MYO16: variants seen among roughly 807,000 people sequenced by gnomAD.
MYO16 encodes myosin XVI, also known as unconventional myosin-XVI.
In MYO16, 94 loss-of-function variants were observed where a neutral mutation model predicts 205.3. The observed-to-expected ratio is 0.46, with a 90% CI of 0.39 to 0.54. MYO16 has a LOEUF of 0.54. Among genes scored for constraint, MYO16 ranks in the 20% least tolerant of loss-of-function variants. The pLI is 0.00. For synonymous variants in MYO16, 988 were observed against 954.0 expected (o/e 1.04, Z -0.66); for missense variants, 2,315 against 2,387.5 (o/e 0.97, Z 0.63).
At chr13:109,018,645 C>T (rs1885915353) in intron 22 of MYO16, among the ~76,000 whole-genome samples, 1 of 152,206 alleles carries the variant, frequency 6.6e-6, no homozygotes, top group Non-Finnish European at 1.5e-5. Flanking sequence ...GATATAATCT[C>T]CTGGTGTGCC....
intron 27 of MYO16, among the ~76,000 whole-genome samples, chr13:109,064,129 T>C (rs1379406433): frequency 6.6e-6 from 1 of 152,216 alleles, no homozygotes; most frequent in Non-Finnish European, 1.5e-5. Flanking sequence ...GCCTGAGAGC[T>C]AAGAATATTT....
intron 6 of MYO16, among the ~76,000 whole-genome samples, chr13:108,795,399 G>A (rs557434440): frequency 9.9e-4 from 151 of 152,024 alleles, no homozygotes; most frequent in Middle Eastern, 3.4e-3. Flanking sequence ...TATTAGAGAC[G>A]GGGTTTCACC....
At chr13:108,903,686 C>T (rs1880825214) in intron 15 of MYO16, among the ~76,000 whole-genome samples, 2 of 152,104 alleles carry the variant, frequency 1.3e-5, no homozygotes, top group Admixed American at 6.6e-5. Flanking sequence ...TTTTGTTATA[C>T]GTTAGTGATA....
chr13:108,659,132 C>T (rs994871271), intron 1 of MYO16, among the ~76,000 whole-genome samples: 5 of 149,800 alleles, frequency 3.3e-5, no homozygotes, highest in African/African-American at 7.4e-5. Flanking sequence ...CATAATGTCT[C>T]GACATCATGA....
the MYO16 span, among the ~76,000 whole-genome samples, chr13:108,532,941 C>G: frequency 6.6e-6 from 1 of 151,924 alleles, no homozygotes; most frequent in African/African-American, 2.4e-5. Context: ...AGAATGGCAC[C>G]CAGAAGAGCA....
the MYO16 span, among the ~76,000 whole-genome samples, chr13:108,543,740 CTTT>C: frequency 3.4e-3 from 430 of 125,126 alleles, 7 homozygotes; most frequent in African/African-American, 0.011. Flanking sequence ...TCCTTTTTTT[CTTT>C]TTTTTTTTTT....
At chr13:108,816,288 A>AT (rs1348269918) in intron 7 of MYO16, among the ~76,000 whole-genome samples, 1 of 152,174 alleles carries the variant, frequency 6.6e-6, no homozygotes, top group African/African-American at 2.4e-5. Context: ...ATCAAAAGAC[A>AT]TTTTTTTAGA....
At chr13:108,956,786 C>T (rs1039325574) in intron 16 of MYO16, among the ~76,000 whole-genome samples, 23 of 152,286 alleles carry the variant, frequency 1.5e-4, no homozygotes, top group African/African-American at 5.1e-4. Flanking sequence ...GCAGCCCCTT[C>T]CTGCACACTT....
At chr13:109,049,926 CTGTGTGTGTGTGTGTGTGTGTGTGTG>C (rs35960970) in intron 24 of MYO16, among the ~76,000 whole-genome samples, 1 of 105,906 alleles carries the variant, frequency 9.4e-6, no homozygotes, top group African/African-American at 3.4e-5. Flanking sequence ...TTCCTTTGTC[CTGTGTGTGTGTGTGTGTGTGTGTGTG>C]TGTGTGTGTG....
rs143609767 is a variant in MYO16 at position 108,815,184 on chromosome 13, A to G, written c.868-5153A>G. Among the ~76,000 whole-genome samples, 34 of 152,320 alleles carry G rather than the reference A, an allele frequency of 2.2e-4. No individual in the cohort carries two copies. The East Asian group carries it at 4.0e-3, about 18-fold the overall frequency. The stretch of plus-strand genomic sequence containing the variant: ...GCAAATAGAGAGGTAAGCCACACTC[A>G]TTGATATGCAGTTGTCATTGAGACA... On this transcript the variant is annotated intron_variant, in intron 7 of 34. Coordinates refer to ENST00000457511, the MANE Select transcript of MYO16 (RefSeq NM_001198950.3).
At chr13:109,032,300 A>G (rs992076456) in intron 23 of MYO16, among the ~76,000 whole-genome samples, 32 of 152,258 alleles carry the variant, frequency 2.1e-4, no homozygotes, top group African/African-American at 7.0e-4. Flanking sequence ...CAAAACCTCC[A>G]TCTGTGGTGT....
chr13:108,728,113 T>C (rs1884402167), intron 4 of MYO16, among the ~76,000 whole-genome samples: 1 of 152,252 alleles, frequency 6.6e-6, no homozygotes. Context: ...TATTTTGGAA[T>C]AGTGATCTCT....
chr13:108,801,236 A>G (rs1430510476), intron 6 of MYO16, among the ~76,000 whole-genome samples: 1 of 152,256 alleles, frequency 6.6e-6, no homozygotes, highest in African/African-American at 2.4e-5. Context: ...ATATGAAATG[A>G]GGACCACTGT....
At chr13:109,106,974 T>G (rs1350861584) in intron 28 of MYO16, among the ~76,000 whole-genome samples, 1 of 152,194 alleles carries the variant, frequency 6.6e-6, no homozygotes, top group Non-Finnish European at 1.5e-5. Flanking sequence ...TCTATGATTT[T>G]AAGGATGAGG....
intron 2 of MYO16, among the ~76,000 whole-genome samples, chr13:108,683,155 C>A (rs897945266): frequency 6.6e-6 from 1 of 152,170 alleles, no homozygotes; most frequent in Non-Finnish European, 1.5e-5. Context: ...CTCTTCTGTA[C>A]GCCTACAGGC....
At chr13:108,614,520 A>G (rs1174448967) in intron 1 of MYO16, among the ~76,000 whole-genome samples, 1 of 152,128 alleles carries the variant, frequency 6.6e-6, no homozygotes, top group East Asian at 1.9e-4. Flanking sequence ...ACTAAAAACT[A>G]TCTTTAAAAT....
chr13:108,751,470 T>A (rs2139635925), intron 4 of MYO16, among the ~76,000 whole-genome samples: 1 of 152,314 alleles, frequency 6.6e-6, no homozygotes, highest in Admixed American at 6.5e-5. Flanking sequence ...TGCGGTAGAA[T>A]ACACAAATCA....
At chr13:108,519,992 G>A in the MYO16 span, among the ~76,000 whole-genome samples, 1 of 152,072 alleles carries the variant, frequency 6.6e-6, no homozygotes, top group African/African-American at 2.4e-5. Context: ...ATAACCCTGG[G>A]GCCATCAGTT....
At chr13:109,007,160 G>C (rs574445709) in intron 21 of MYO16, among the ~76,000 whole-genome samples, 1 of 152,096 alleles carries the variant, frequency 6.6e-6, no homozygotes, top group South Asian at 2.1e-4. Flanking sequence ...AGGCCAAGGC[G>C]GGTGGATCAC....
Sources: gnomAD v4.1 joint callset for allele counts (sites outside exome capture counted in the v4.1 genomes callset) on GRCh38, gnomAD v4.1.1 for gene constraint, MANE v1.5 for transcripts, NCBI Gene and HGNC (gene_info 2026-07-23, HGNC 2026-07-21) for gene names.